The following SLC39A8 variants were observed in gnomAD, a reference collection of about 807,000 sequenced individuals.
SLC39A8 encodes the protein metal cation symporter ZIP8.
In SLC39A8, 15 loss-of-function variants were observed where a neutral mutation model predicts 40.4. The ratio of observed to expected loss-of-function variants is 0.37; its 90% CI spans 0.25 to 0.57. SLC39A8 has a LOEUF of 0.57. SLC39A8 is among the 20% of genes least tolerant of loss of function. The pLI, the probability that SLC39A8 is intolerant of heterozygous loss-of-function variation, is 0.75. For missense variants in SLC39A8, 472 were observed against 558.8 expected, an observed-to-expected ratio of 0.84 and a Z score of 1.57; for synonymous variants, 223 against 221.6, an observed-to-expected ratio of 1.01 and a Z score of -0.06.
intron 6 of SLC39A8, among the ~76,000 whole-genome samples, chr4:102,279,070 A>T (rs1034155634): frequency 6.6e-6 from 1 of 152,012 alleles, no homozygotes; most frequent in Non-Finnish European, 1.5e-5. Context: ...GGATGCAGCA[A>T]ATCACCATGG....
intron 2 of SLC39A8, among the ~76,000 whole-genome samples, chr4:102,330,689 C>A (rs1204697131): frequency 6.6e-6 from 1 of 152,186 alleles, no homozygotes; most frequent in Non-Finnish European, 1.5e-5. Flanking sequence ...TCAGCATCAT[C>A]CTGATACCAA....
intron 6 of SLC39A8, among the ~76,000 whole-genome samples, chr4:102,273,418 A>G (rs555846793): frequency 6.6e-6 from 1 of 152,346 alleles, no homozygotes; most frequent in Admixed American, 6.5e-5. Flanking sequence ...TGGGCAAGGC[A>G]TCTCTGGCAG....
chr4:102,315,593 A>G, intron 3 of SLC39A8, 75 bp downstream of exon 3: 1 of 1,290,788 alleles, frequency 7.7e-7, no homozygotes, highest in Non-Finnish European at 1.1e-6. Context: ...AAAGCAGAAA[A>G]AGAGGCATAT....
At chr4:102,324,080 C>A (rs1310372302) in intron 2 of SLC39A8, among the ~76,000 whole-genome samples, 1 of 152,104 alleles carries the variant, frequency 6.6e-6, no homozygotes, top group African/African-American at 2.4e-5. Flanking sequence ...AACAAAACTG[C>A]CCTTGTACTT....
chr4:102,259,338 G>A, downstream of SLC39A8: 1 of 569,776 alleles, frequency 1.8e-6, no homozygotes, highest in African/African-American at 1.9e-5. Flanking sequence ...TTTACTACCA[G>A]TTGGTCTATA....
chr4:102,272,892 T>C lies in SLC39A8; in HGVS notation c.841-4813A>G, dbSNP rs574215673. Among the ~76,000 whole-genome samples, 8 of 152,146 alleles carry C rather than the reference T, an allele frequency of 5.3e-5. 1 individual carries two copies. The highest frequency in any genetic ancestry group is 1.9e-4 in the African/African-American group (8 of 41,542). On this transcript the variant is annotated intron_variant, in intron 6 of 8. Transcript: ENST00000356736. ...AAGGAGGCCATGAGGAGCCATGCCATGAGGGACAGTGCTCTCCAGCCCAGA... is the reference window on the plus strand; with the variant it reads ...AAGGAGGCCATGAGGAGCCATGCCACGAGGGACAGTGCTCTCCAGCCCAGA...
rs1239413806 is a variant in SLC39A8 at position 102,261,723 on chromosome 4, A to G, written c.*1321T>C. On this transcript the variant is annotated 3_prime_UTR_variant, in exon 9 of 9. Transcript: ENST00000356736. ...ACAATATTTTTTAATTGTCAGTCATAAAGTGAAATACATACTAAAATATAT... is the reference window on the plus strand; with the variant it reads ...ACAATATTTTTTAATTGTCAGTCATGAAGTGAAATACATACTAAAATATAT... The G allele has an allele frequency of 2.0e-6, 2 of 982,644 alleles. No homozygotes were observed. Among genetic ancestry groups the G allele is most frequent in the Admixed American group, 6.1e-5 (1 of 16,264 alleles). 60.9% of individuals were successfully genotyped at this position (982,644 alleles called of 1,614,324 possible). A position where few individuals can be genotyped will look rare whatever the true frequency, so the allele number is the denominator to read the frequency against.
chr4:102,263,965 G>A (rs1578553778), intron 8 of SLC39A8, among the ~76,000 whole-genome samples: 2 of 152,150 alleles, frequency 1.3e-5, no homozygotes. Flanking sequence ...TACCTCTGCA[G>A]TTACTTCCTT....
At chr4:102,323,546 A>C (rs956569569) in intron 2 of SLC39A8, among the ~76,000 whole-genome samples, 1 of 152,216 alleles carries the variant, frequency 6.6e-6, no homozygotes, top group African/African-American at 2.4e-5. Flanking sequence ...TTAGTTGGTG[A>C]ATAAATTTTA....
rs574683032 is a variant in SLC39A8, at chr4:102,271,927, C to T, written c.841-3848G>A. ...TCCTGATGAAGCCTCAGCCAGGGTGCAAGCCAAGAGATAACACCCTGAGAG... is the reference window on the plus strand; with the variant it reads ...TCCTGATGAAGCCTCAGCCAGGGTGTAAGCCAAGAGATAACACCCTGAGAG... On this transcript the variant is annotated intron_variant, in intron 6 of 8. Transcript: ENST00000356736. Among the ~76,000 whole-genome samples, 4 of 152,208 alleles carry T rather than the reference C, an allele frequency of 2.6e-5. No homozygotes were observed. The East Asian group carries it at 5.8e-4, about 22-fold the overall frequency.
chr4:102,301,379 A>G (rs1733919317), intron 6 of SLC39A8, among the ~76,000 whole-genome samples: 2 of 152,030 alleles, frequency 1.3e-5, no homozygotes, highest in South Asian at 2.1e-4. Flanking sequence ...ACAATTCCCT[A>G]CTGACACCTT....
chr4:102,256,002 A>G (rs182096417), intron 11 of SLC39A8, among the ~76,000 whole-genome samples: 2 of 152,314 alleles, frequency 1.3e-5, no homozygotes, highest in East Asian at 3.9e-4. Flanking sequence ...AGATTTTTTC[A>G]TGGAAACACA....
intron 6 of SLC39A8, among the ~76,000 whole-genome samples, chr4:102,301,449 C>A (rs1361452272): frequency 6.6e-6 from 1 of 150,408 alleles, no homozygotes; most frequent in Admixed American, 6.6e-5. Context: ...CTCACATCAC[C>A]ATGCTTTAGT....
At chr4:102,307,703 A>G in intron 3 of SLC39A8, 98 bp from the exon 4 acceptor site, 1 of 1,200,768 alleles carries the variant, frequency 8.3e-7, no homozygotes, top group Non-Finnish European at 1.2e-6. Context: ...TTAAAAGCTT[A>G]AGACACATAT....
At chr4:102,299,265 C>G (rs1447819999) in intron 6 of SLC39A8, among the ~76,000 whole-genome samples, 1 of 150,358 alleles carries the variant, frequency 6.7e-6, no homozygotes, top group African/African-American at 2.5e-5. Context: ...TATGTACACA[C>G]AGAACTTCCA....
intron 2 of SLC39A8, among the ~76,000 whole-genome samples, chr4:102,341,779 A>G (rs1231461037): frequency 1.3e-5 from 2 of 152,228 alleles, no homozygotes; most frequent in Non-Finnish European, 2.9e-5. Flanking sequence ...AACCTTCCAA[A>G]ATTGTCTAAC....
chr4:102,274,535 A>G (rs1321074102), intron 6 of SLC39A8, among the ~76,000 whole-genome samples: 1 of 152,252 alleles, frequency 6.6e-6, no homozygotes, highest in East Asian at 1.9e-4. Context: ...ACTTCAGGAT[A>G]TTATCCAGGA....
At chr4:102,306,960 T>C (rs1016271743) in intron 4 of SLC39A8, among the ~76,000 whole-genome samples, 3 of 152,124 alleles carry the variant, frequency 2.0e-5, no homozygotes, top group African/African-American at 7.2e-5. Flanking sequence ...AAAAGGTTTG[T>C]CAACCATGCT....
intron 6 of SLC39A8, among the ~76,000 whole-genome samples, chr4:102,272,513 A>G (rs1369533275): frequency 3.3e-5 from 5 of 152,144 alleles, no homozygotes; most frequent in Admixed American, 3.3e-4. Flanking sequence ...CGAAAGGCTG[A>G]AGGAGAGTTA....
Sources: allele counts gnomAD v4.1 joint callset (sites outside exome capture counted in the v4.1 genomes callset), GRCh38; gene constraint gnomAD v4.1.1; transcripts MANE v1.5; gene names NCBI Gene and HGNC (gene_info 2026-07-23, HGNC 2026-07-21).